The following CFAP299 variants were observed in gnomAD, a reference collection of about 807,000 sequenced individuals.
CFAP299 encodes cilia and flagella associated protein 299, also known as cilia- and flagella-associated protein 299.
Under a neutral mutation model 27.0 loss-of-function variants are expected in CFAP299, and 21 were observed. The observed-to-expected ratio is 0.78, with a 90% CI of 0.55 to 1.12. The LOEUF is 1.12. Ranked by LOEUF, CFAP299 falls within the 50% of genes most tolerant of loss-of-function variation. The pLI is 0.00. For missense variants in CFAP299, 310 were observed against 276.6 expected, an observed-to-expected ratio of 1.12 and a Z score of -0.86; for synonymous variants, 104 against 98.1, an observed-to-expected ratio of 1.06 and a Z score of -0.36.
chr4:80,787,197 AAT>A (rs536597954), intron 3 of CFAP299, among the ~76,000 whole-genome samples: 1 of 147,890 alleles, frequency 6.8e-6, no homozygotes, highest in Non-Finnish European at 1.5e-5. Context: ...CTGGGCATGG[AAT>A]ATATATATAT....
chr4:80,425,618 G>A (rs1481549546), intron 2 of CFAP299, among the ~76,000 whole-genome samples: 1 of 152,138 alleles, frequency 6.6e-6, no homozygotes, highest in Admixed American at 6.5e-5. Context: ...TGTATAAATA[G>A]CATTGTTTCC....
chr4:80,380,854 C>T (rs1302459707), intron 2 of CFAP299, among the ~76,000 whole-genome samples: 1 of 152,186 alleles, frequency 6.6e-6, no homozygotes, highest in African/African-American at 2.4e-5. Flanking sequence ...ACCTCTGCTA[C>T]TGCTTTTAAT....
At chr4:80,799,658 TTATATTTTATAAA>T (rs550300142) in intron 3 of CFAP299, among the ~76,000 whole-genome samples, 2,759 of 18,416 alleles carry the variant, frequency 0.15, 433 homozygotes, top group African/African-American at 0.45. Context: ...ATTTTATATA[TTATATTTTATAAA>T]TATATATTTA....
At chr4:80,325,430 T>C in the CFAP299 span, among the ~76,000 whole-genome samples, 1 of 152,256 alleles carries the variant, frequency 6.6e-6, no homozygotes, top group African/African-American at 2.4e-5. Flanking sequence ...TTCAGATTAT[T>C]TGGCTAGAAT....
chr4:80,819,319 T>G (rs1275467820), intron 3 of CFAP299, among the ~76,000 whole-genome samples: 1 of 152,066 alleles, frequency 6.6e-6, no homozygotes, highest in Non-Finnish European at 1.5e-5. Flanking sequence ...AGGCCAAGCA[T>G]AGTTTGGTGA....
chr4:80,367,910 T>C (rs1723924999), intron 2 of CFAP299, among the ~76,000 whole-genome samples: 1 of 152,324 alleles, frequency 6.6e-6, no homozygotes, highest in South Asian at 2.1e-4. Context: ...GGAACTTCAA[T>C]ATTCGTGACA....
At chr4:80,671,071 A>G (rs912445011) in intron 3 of CFAP299, among the ~76,000 whole-genome samples, 1 of 152,160 alleles carries the variant, frequency 6.6e-6, no homozygotes, top group Non-Finnish European at 1.5e-5. Context: ...GCCCATGCCT[A>G]TGTCCTGAAT....
chr4:80,941,645 T>C (rs1737200332), intron 4 of CFAP299, among the ~76,000 whole-genome samples: 1 of 151,970 alleles, frequency 6.6e-6, no homozygotes, highest in Non-Finnish European at 1.5e-5. Flanking sequence ...CATCTGAGAC[T>C]GGGTCATTTA....
chr4:80,518,885 G>A (rs1732731875), intron 2 of CFAP299, among the ~76,000 whole-genome samples: 1 of 152,088 alleles, frequency 6.6e-6, no homozygotes, highest in Admixed American at 6.6e-5. Flanking sequence ...ATATGGGTGG[G>A]TATAACAGGC....
intron 3 of CFAP299, among the ~76,000 whole-genome samples, chr4:80,681,144 G>A (rs1560694775): frequency 6.6e-6 from 1 of 152,082 alleles, no homozygotes; most frequent in Non-Finnish European, 1.5e-5. Context: ...TGTCAACTCA[G>A]CATGATAGTG....
chr4:80,868,905 C>CTCTCTGTGTG (rs1435285713), intron 3 of CFAP299, among the ~76,000 whole-genome samples: 39 of 137,680 alleles, frequency 2.8e-4, no homozygotes, highest in African/African-American at 9.6e-4. Context: ...GCTTCTCTCT[C>CTCTCTGTGTG]TGTGTGTGTG....
At chr4:80,942,385 C>T (rs934727453) in intron 4 of CFAP299, among the ~76,000 whole-genome samples, 1 of 152,000 alleles carries the variant, frequency 6.6e-6, no homozygotes, top group Non-Finnish European at 1.5e-5. Flanking sequence ...ATATTTTATA[C>T]CTACTCCATG....
intron 1 of CFAP299, among the ~76,000 whole-genome samples, chr4:80,341,300 G>A (rs893241030): frequency 2.0e-5 from 3 of 152,202 alleles, no homozygotes; most frequent in Non-Finnish European, 4.4e-5. Context: ...GATGAGGAAG[G>A]ATCCCCCAAC....
intron 3 of CFAP299, among the ~76,000 whole-genome samples, chr4:80,800,184 A>T (rs1226887673): frequency 1.4e-5 from 1 of 72,528 alleles, no homozygotes; most frequent in Non-Finnish European, 2.3e-5. Context: ...ATATAATAAT[A>T]TGTAATACTA....
At chr4:80,930,083 C>T (rs531013558) in intron 4 of CFAP299, among the ~76,000 whole-genome samples, 1 of 152,236 alleles carries the variant, frequency 6.6e-6, no homozygotes, top group Middle Eastern at 3.4e-3. Flanking sequence ...CCCATCCCCG[C>T]CCCTTACAAC....
At chr4:80,384,347 G>C (rs150676248) in intron 2 of CFAP299, among the ~76,000 whole-genome samples, 2 of 152,094 alleles carry the variant, frequency 1.3e-5, no homozygotes, top group Non-Finnish European at 2.9e-5. Flanking sequence ...AAATTATTTA[G>C]TAGTTTCTAT....
intron 4 of CFAP299, among the ~76,000 whole-genome samples, chr4:80,891,853 A>AATAAAAGC (rs1734321120): frequency 6.9e-6 from 1 of 145,594 alleles, no homozygotes; most frequent in East Asian, 2.0e-4. Flanking sequence ...AAAAAAAGAA[A>AATAAAAGC]TTGCAGAGAT....
chr4:80,786,752 C>CA (rs1173136442), intron 3 of CFAP299, among the ~76,000 whole-genome samples: 2 of 152,096 alleles, frequency 1.3e-5, no homozygotes, highest in Admixed American at 1.3e-4. Context: ...GTAACTGCTT[C>CA]AGCCACTGGA....
intron 2 of CFAP299, among the ~76,000 whole-genome samples, chr4:80,460,332 C>T (rs1729377436): frequency 6.6e-6 from 1 of 152,124 alleles, no homozygotes; most frequent in African/African-American, 2.4e-5. Context: ...TCTACAGATG[C>T]AAATCTTCAC....
Sources: gnomAD v4.1 joint callset for allele counts (sites outside exome capture counted in the v4.1 genomes callset) on GRCh38, gnomAD v4.1.1 for gene constraint, MANE v1.5 for transcripts, NCBI Gene and HGNC (gene_info 2026-07-23, HGNC 2026-07-21) for gene names.